Variants in FRMPD4 observed in about 807,000 individuals in gnomAD.
The protein encoded by FRMPD4 is FERM and PDZ domain-containing protein 4.
FRMPD4 carries 22 observed loss-of-function variants against 94.1 expected under a neutral mutation model. The observed-to-expected ratio is 0.23, with a 90% CI of 0.17 to 0.33. The LOEUF is 0.33. Among genes scored for constraint, FRMPD4 ranks in the 10% least tolerant of loss-of-function variants. FRMPD4 has a pLI of 1.00. For missense variants in FRMPD4, 1,111 were observed against 1,339.9 expected (o/e 0.83, Z 2.67); for synonymous variants, 631 against 548.6 (o/e 1.15, Z -2.10).
At chrX:11,906,085 T>C (rs1278369321) in intron 3 of FRMPD4, among the ~76,000 whole-genome samples, 1 of 110,511 alleles carries the variant, frequency 9.0e-6, no homozygotes, top group East Asian at 2.8e-4. Context: ...TTTTCTAGCA[T>C]GTGAAATGAA....
chrX:12,580,655 G>C (rs1468815428), intron 2 of FRMPD4, among the ~76,000 whole-genome samples: 1 of 111,627 alleles, frequency 9.0e-6, no homozygotes, highest in Non-Finnish European at 1.9e-5. Context: ...ATTGAGGTGA[G>C]TGATATAGAC....
intron 2 of FRMPD4, among the ~76,000 whole-genome samples, chrX:12,597,436 A>C (rs2059042262): frequency 8.9e-6 from 1 of 112,423 alleles, no homozygotes; most frequent in Admixed American, 9.4e-5. Context: ...AAATTTGACC[A>C]TGAATTAATG....
intron 1 of FRMPD4, chrX:12,495,198 T>C (rs1173468300): frequency 2.5e-5 from 3 of 118,286 alleles, no homozygotes; most frequent in African/African-American, 9.7e-5. Context: ...TGGAGAAGAA[T>C]AGATGACCAA....
At chrX:12,045,615 T>G in intron 3 of FRMPD4, among the ~76,000 whole-genome samples, 1 of 111,347 alleles carries the variant, frequency 9.0e-6, no homozygotes, top group Non-Finnish European at 1.9e-5. Flanking sequence ...TTGAGATGGA[T>G]ACATTACCCT....
At chrX:11,894,383 T>C (rs1183469008) in intron 3 of FRMPD4, among the ~76,000 whole-genome samples, 1 of 112,339 alleles carries the variant, frequency 8.9e-6, no homozygotes, top group African/African-American at 3.2e-5. Flanking sequence ...AAAGTCATGG[T>C]GTTTAGTCTC....
At chrX:12,545,402 C>T (rs1259009474) in intron 2 of FRMPD4, among the ~76,000 whole-genome samples, 3 of 112,295 alleles carry the variant, frequency 2.7e-5, no homozygotes, top group African/African-American at 9.7e-5. Flanking sequence ...CCAAACTCAG[C>T]CGCTTGCTCT....
In FRMPD4 at chrX:11,849,149, C is replaced by T. The variant is rs180891838; in HGVS notation, c.-160-15937C>T. Among the ~76,000 whole-genome samples, 391 of 111,333 alleles carry T rather than the reference C, an allele frequency of 3.5e-3. 1 individual carries two copies. In the Middle Eastern group the frequency reaches 0.046, roughly 13 times the overall value. ...TCAACATGCAAAAATCAGTTGTATT[C>T]CTGTATAACAATGATCAACCTGAAA... On this transcript the variant is annotated intron_variant, in intron 1 of 18. Transcript: ENST00000640291.
rs200613969 is a variant in FRMPD4, at chrX:12,208,307, GA to G, written c.41+69305del. Among the ~76,000 whole-genome samples, 136 of 105,102 alleles carry G rather than the reference GA, an allele frequency of 1.3e-3. 2 individuals are homozygous for G. The highest frequency in any genetic ancestry group is 6.2e-4 in the African/African-American group (18 of 28,904). The allele number at this position is 105,102 out of a possible 115,157, so 91.3% of individuals were successfully genotyped here. A position where few individuals can be genotyped will look rare whatever the true frequency, so the allele number is the denominator to read the frequency against. ...TCAAGACCTTGTCTCCATAAAAAAG[GA>G]AAAAAAAAAGTCAATAGCTGAAGAC... On this transcript the variant is annotated intron_variant, in intron 1 of 16. Coordinates refer to ENST00000675598, the MANE Select transcript of FRMPD4 (RefSeq NM_001368397.1).
At chrX:12,616,854 C>T (rs1171972393) in intron 4 of FRMPD4, among the ~76,000 whole-genome samples, 1 of 111,636 alleles carries the variant, frequency 9.0e-6, no homozygotes, top group African/African-American at 3.3e-5. Flanking sequence ...CCCCTAGGTG[C>T]GCACCTCTGT....
intron 3 of FRMPD4, among the ~76,000 whole-genome samples, chrX:12,132,686 CAT>C (rs756030624): frequency 2.8e-4 from 31 of 111,013 alleles, no homozygotes; most frequent in African/African-American, 1.0e-3. Context: ...TCACCTAAGA[CAT>C]GTGAAGAAAA....
At chrX:12,063,048 A>G (rs1418237957) in intron 3 of FRMPD4, among the ~76,000 whole-genome samples, 2 of 112,186 alleles carry the variant, frequency 1.8e-5, no homozygotes, top group Admixed American at 1.9e-4. Flanking sequence ...GATGTTTACC[A>G]TAGATTTCTG....
chrX:12,067,397 GTTTGTTTGTTTGTT>G (rs1248058991), intron 3 of FRMPD4, among the ~76,000 whole-genome samples: 1 of 110,107 alleles, frequency 9.1e-6, no homozygotes, highest in African/African-American at 3.3e-5. Context: ...GTGTTTGTTT[GTTTGTTTGTTTGTT>G]TTTGTTTTTG....
chrX:11,870,420 T>C (rs2053749591), intron 2 of FRMPD4, among the ~76,000 whole-genome samples: 1 of 111,671 alleles, frequency 9.0e-6, no homozygotes, highest in Non-Finnish European at 1.9e-5. Flanking sequence ...TTGATGTGGA[T>C]GGGGGATGAC....
chrX:12,700,697 C>T (rs2060179447), intron 9 of FRMPD4, among the ~76,000 whole-genome samples: 1 of 112,464 alleles, frequency 8.9e-6, no homozygotes, highest in East Asian at 2.8e-4. Context: ...CAATAGCTCC[C>T]CTTATCCAAG....
intron 2 of FRMPD4, among the ~76,000 whole-genome samples, chrX:12,512,134 G>A (rs1053112876): frequency 6.2e-5 from 7 of 112,393 alleles, no homozygotes; most frequent in African/African-American, 2.3e-4. Context: ...CCACATTTTA[G>A]CAATGAAGTA....
chrX:12,048,275 A>T (rs1383913450), intron 3 of FRMPD4, among the ~76,000 whole-genome samples: 4 of 111,406 alleles, frequency 3.6e-5, no homozygotes, highest in Non-Finnish European at 7.5e-5. Context: ...ATTTTTTCAT[A>T]TATTTGTTGG....
At chrX:12,639,499 TG>T (rs1453162674) in intron 4 of FRMPD4, among the ~76,000 whole-genome samples, 1 of 112,230 alleles carries the variant, frequency 8.9e-6, no homozygotes, top group African/African-American at 3.2e-5. Context: ...TTTTTCCCCT[TG>T]AAAGTGAATA....
chrX:11,926,830 A>G (rs758710974), intron 3 of FRMPD4, among the ~76,000 whole-genome samples: 6 of 111,670 alleles, frequency 5.4e-5, no homozygotes, highest in African/African-American at 2.0e-4. Context: ...TCCCTTTAAA[A>G]ATCAGCACAA....
chrX:12,519,459 G>A (rs2058138057), intron 2 of FRMPD4, among the ~76,000 whole-genome samples: 1 of 111,688 alleles, frequency 9.0e-6, no homozygotes, highest in Admixed American at 9.5e-5. Flanking sequence ...GAGAACATGG[G>A]GGAAAGCTTT....
Sources: gnomAD v4.1 joint callset for allele counts (sites outside exome capture counted in the v4.1 genomes callset) on GRCh38, gnomAD v4.1.1 for gene constraint, MANE v1.5 for transcripts, NCBI Gene and HGNC (gene_info 2026-07-23, HGNC 2026-07-21) for gene names.